EHMT2: variants seen among roughly 807,000 people sequenced by gnomAD.
EHMT2 encodes the protein histone-lysine N-methyltransferase EHMT2.
A neutral mutation model predicts 143.3 loss-of-function variants in EHMT2; 59 were observed. That is an observed-to-expected ratio of 0.41 (90% CI 0.33 to 0.51). EHMT2 has a LOEUF of 0.51. Among genes scored for constraint, EHMT2 ranks in the 20% least tolerant of loss-of-function variants. The pLI, the probability that EHMT2 is intolerant of heterozygous loss-of-function variation, is 0.18. For missense variants in EHMT2, 1,174 were observed against 1,645.9 expected (o/e 0.71, Z 4.96); for synonymous variants, 604 against 651.5 (o/e 0.93, Z 1.11).
chr6:31,890,604 G>A (rs1358285712), intron 7 of EHMT2, among the ~76,000 whole-genome samples: 3 of 149,002 alleles, frequency 2.0e-5, no homozygotes, highest in East Asian at 4.3e-4. Context: ...GGTGGCTCAC[G>A]CCTGTAATCC....
rs1392253040 is a variant in EHMT2, at chr6:31,884,809, T to C, written c.2449-10A>G. 1.3e-6 allele frequency: 2 copies of C among 1,591,672 alleles called. No individual in the cohort carries two copies. Among genetic ancestry groups the C allele is most frequent in the South Asian group, 1.1e-5 (1 of 89,314 alleles). ...GGCAGATGTTCTCCTCCTGTGGAGG[T>C]AGGAGGGGAACAGATGAGGTGCAGG... On this transcript the variant is annotated splice_polypyrimidine_tract_variant and intron_variant, in intron 19 of 27. Transcript: ENST00000375537. The surrounding 1 kb of genome is among the most constrained non-coding windows in gnomAD (Gnocchi z 7.3).
exon 28 of EHMT2, chr6:31,879,817 G>A (rs143858912): frequency 4.9e-5 from 25 of 514,286 alleles, no homozygotes; most frequent in Non-Finnish European, 7.7e-5. Context: ...ATAGAGGCCC[G>A]ACTTCAATTC....
At chr6:31,892,482 C>G in exon 7 of EHMT2, 2 of 1,613,054 alleles carry the variant, frequency 1.2e-6, no homozygotes, top group Non-Finnish European at 1.7e-6. Context: ...CCACCACCGT[C>G]TCCCACTCCT....
chr6:31,897,294 T>A, intron 1 of EHMT2: 1 of 698,764 alleles, frequency 1.4e-6, no homozygotes, highest in Non-Finnish European at 2.0e-6. Flanking sequence ...CGCTCCCCCT[T>A]TGTCCCCCAG....
chr6:31,884,386 G>A lies in EHMT2; in HGVS notation c.2771+6C>T. 2 of 1,609,948 alleles carry A rather than the reference G, an allele frequency of 1.2e-6. No homozygotes were observed. The highest frequency in any genetic ancestry group is 1.7e-6 in the Non-Finnish European group (2 of 1,179,072). On this transcript the variant is annotated splice_donor_region_variant and intron_variant, in intron 21 of 27. Coordinates refer to ENST00000375537, the Ensembl canonical transcript of EHMT2. This position sits in a 1 kb window ranked among gnomAD's most constrained non-coding sequence, Gnocchi z 7.3. ...TCTTGGGTGCAGAGAGGGGCCCAGGGCTCACCGGCAGATGATCTTCTCTGT... is the reference window on the plus strand; with the variant it reads ...TCTTGGGTGCAGAGAGGGGCCCAGGACTCACCGGCAGATGATCTTCTCTGT...
chr6:31,888,093 GTGCAGGAGC>G lies in EHMT2; in HGVS notation c.1684_1692del (p.Ala562_Ala564del). 1 of 1,609,360 alleles carries G rather than the reference GTGCAGGAGC, an allele frequency of 6.2e-7. No individual in the cohort carries two copies. ...GGGACATCCTGGGACAGGGGTGGGG[GTGCAGGAGC>G]TGCAGTGCCGGCCGGTGGGGTCACC... On this transcript the variant is annotated inframe_deletion, in exon 13 of 28. Coordinates refer to ENST00000375537, the Ensembl canonical transcript of EHMT2. The surrounding 1 kb of genome is among the most constrained non-coding windows in gnomAD (Gnocchi z 7.4).
At chr6:31,895,085 G>A (rs922444527) in intron 4 of EHMT2, among the ~76,000 whole-genome samples, 4 of 152,212 alleles carry the variant, frequency 2.6e-5, no homozygotes, top group African/African-American at 9.7e-5. Context: ...ATCATAGTGA[G>A]AAAGGAAAGG....
chr6:31,893,106 T>C, intron 4 of EHMT2, 196 bp from the exon 5 acceptor site: 1 of 568,570 alleles, frequency 1.8e-6, no homozygotes, highest in Non-Finnish European at 3.1e-6. Flanking sequence ...CACTCACTCA[T>C]CTCTGCAACC....
Position 31,896,517 on chromosome 6 carries a change from C to T in EHMT2, c.329-1G>A. 1 of 1,612,372 alleles carries T rather than the reference C, an allele frequency of 6.2e-7. No individual in the cohort carries two copies. The highest frequency in any genetic ancestry group is 1.1e-5 in the South Asian group (1 of 91,050). On this transcript the variant is annotated splice_acceptor_variant, in intron 3 of 27. Transcript: ENST00000375537. LOFTEE classifies it high-confidence loss of function. Reference sequence around the variant, plus strand: ...GAGGGGAATGACTTTGTGGCATGGCCTAGAAAACAGGCAAGCAAAAGGCAA... The same window carrying T: ...GAGGGGAATGACTTTGTGGCATGGCTTAGAAAACAGGCAAGCAAAAGGCAA...
chr6:31,890,485 G>A (rs775507859), intron 7 of EHMT2, among the ~76,000 whole-genome samples: 4 of 151,124 alleles, frequency 2.6e-5, no homozygotes, highest in Non-Finnish European at 5.9e-5. Flanking sequence ...TCAAACTCCT[G>A]ACCTCAGGTG....
Position 31,880,528 on chromosome 6 carries a change from T to A in EHMT2, c.3452+145A>T. ...GGCACAGGACTGTTTCCCCAAGTCC[T>A]CCAGGAAATACTTATGTACACTGAA... On this transcript the variant is annotated intron_variant, in intron 27 of 27. Transcript: ENST00000375537. The surrounding 1 kb of genome is among the most constrained non-coding windows in gnomAD (Gnocchi z 6.6). 1 of 971,268 alleles carries A rather than the reference T, an allele frequency of 1.0e-6. No individual in the cohort carries two copies. Among genetic ancestry groups the A allele is most frequent in the Non-Finnish European group, 1.5e-6 (1 of 667,492 alleles). The allele number at this position is 971,268 out of a possible 1,614,324, so 60.2% of individuals were successfully genotyped here. A position where few individuals can be genotyped will look rare whatever the true frequency, so the allele number is the denominator to read the frequency against.
rs760072133 is a variant in EHMT2 at position 31,892,439 on chromosome 6, A to C, written c.832T>G (p.Ser278Ala). 15 of 1,613,026 alleles carry C rather than the reference A, an allele frequency of 9.3e-6. No individual in the cohort carries two copies. In the Admixed American group the frequency reaches 2.5e-4, roughly 27 times the overall value. ...TCGGAGTCCACGCGCTCATCCACAG[A>C]GTAGGAATCATAGTAGAGACTGAAG... Residue 278 changes from serine (S) to alanine (A), a missense_variant, in exon 7 of 28, where the codon TCT (serine) becomes GCT (alanine). Coordinates refer to ENST00000375537, the Ensembl canonical transcript of EHMT2.
chr6:31,894,339 GT>G (rs900693471), intron 4 of EHMT2, among the ~76,000 whole-genome samples: 8 of 152,134 alleles, frequency 5.3e-5, no homozygotes, highest in Admixed American at 1.3e-4. Flanking sequence ...TAGAGATGGG[GT>G]TTCACCATGT....
intron 17 of EHMT2, 35 bp from the exon 18 acceptor site, chr6:31,886,717 G>T (rs1354131965): frequency 6.2e-7 from 1 of 1,613,874 alleles, no homozygotes; most frequent in Non-Finnish European, 8.5e-7. Context: ...CCTTTGGGCT[G>T]GCACCCCAAA....
At chr6:31,885,171 T>C in intron 18 of EHMT2, 155 bp from the exon 19 acceptor site, 1 of 1,077,270 alleles carries the variant, frequency 9.3e-7, no homozygotes, top group East Asian at 2.7e-5. Context: ...TCGCAGTTTC[T>C]TCATCTAAAA....
Position 31,883,348 on chromosome 6 carries a change from C to T in EHMT2, c.2994+14G>A, listed in dbSNP as rs1764366017. 6.2e-7 allele frequency: 1 copy of T among 1,612,536 alleles called. No homozygotes were observed. The highest frequency in any genetic ancestry group is 1.7e-5 in the Admixed American group (1 of 59,962). ...AGGGGCCGGGTGTCTGTGGCCAAGGCAAGGGGCACGCACCTTGTCATACCA... is the reference window on the plus strand; with the variant it reads ...AGGGGCCGGGTGTCTGTGGCCAAGGTAAGGGGCACGCACCTTGTCATACCA... On this transcript the variant is annotated intron_variant, in intron 23 of 27. Transcript: ENST00000375537. The surrounding 1 kb of genome is among the most constrained non-coding windows in gnomAD (Gnocchi z 5.6).
At chr6:31,885,921 T>A (rs1764780787) in intron 18 of EHMT2, 1 of 152,004 alleles carries the variant, frequency 6.6e-6, no homozygotes, top group African/African-American at 2.4e-5. Flanking sequence ...ACCCCGTCTC[T>A]ACTAAAAATA....
At position 31,881,179 on chromosome 6, in the gene EHMT2, G is replaced by C. The variant is rs1014398571; in HGVS notation, c.3198-87C>G. 1 of 1,185,314 alleles carries C rather than the reference G, an allele frequency of 8.4e-7. No individual in the cohort carries two copies. The highest frequency in any genetic ancestry group is 1.5e-5 in the African/African-American group (1 of 66,760). 73.4% of individuals were successfully genotyped at this position (1,185,314 alleles called of 1,614,324 possible). A position where few individuals can be genotyped will look rare whatever the true frequency, so the allele number is the denominator to read the frequency against. On this transcript the variant is annotated intron_variant, in intron 25 of 27. Coordinates refer to ENST00000375537, the Ensembl canonical transcript of EHMT2. The surrounding 1 kb of genome is among the most constrained non-coding windows in gnomAD (Gnocchi z 4.8). ...CCCCATCTCTCTTCACAAGCCTGTG[G>C]AATCTGGAATGGGCAGGGCTGGCAG...
rs558091880 is a variant in EHMT2 at position 31,881,862 on chromosome 6, G to T, written c.3198-770C>A. Reference sequence around the variant, plus strand: ...CTCACGCCTGTAATCCCAGCACTTTGGGAGGCCGAGGTGGGCGGATCATCT... The same window carrying T: ...CTCACGCCTGTAATCCCAGCACTTTTGGAGGCCGAGGTGGGCGGATCATCT... On this transcript the variant is annotated intron_variant, in intron 25 of 27. Coordinates refer to ENST00000375537, the Ensembl canonical transcript of EHMT2. The surrounding 1 kb of genome is among the most constrained non-coding windows in gnomAD (Gnocchi z 4.8). Among the ~76,000 whole-genome samples, 1 of 152,324 alleles carries T rather than the reference G, an allele frequency of 6.6e-6. No individual in the cohort carries two copies. The highest frequency in any genetic ancestry group is 1.9e-4 in the East Asian group (1 of 5,188).
Sources: allele counts gnomAD v4.1 joint callset (sites outside exome capture counted in the v4.1 genomes callset), GRCh38; gene constraint gnomAD v4.1.1; non-coding constraint Gnocchi (gnomAD v3.1); transcripts MANE v1.5; gene names NCBI Gene and HGNC (gene_info 2026-07-23, HGNC 2026-07-21).